DENND4C: variants seen among roughly 807,000 people sequenced by gnomAD.
DENND4C encodes the protein DENN domain-containing protein 4C.
DENND4C carries 108 observed loss-of-function variants against 203.0 expected under a neutral mutation model. The observed-to-expected ratio is 0.53, with a 90% CI of 0.46 to 0.62. The LOEUF (loss-of-function observed/expected upper bound fraction) is 0.62, where lower values mean the gene tolerates loss of function less well. Among genes scored for constraint, DENND4C ranks in the 20% least tolerant of loss-of-function variants. The pLI is 0.00. For missense variants in DENND4C, 2,481 were observed against 2,301.2 expected, an observed-to-expected ratio of 1.08 and a Z score of -1.60; for synonymous variants, 871 against 792.4, an observed-to-expected ratio of 1.10 and a Z score of -1.67.
At chr9:19,371,441 A>C (rs1245826083) in intron 31 of DENND4C, 1 of 178,588 alleles carries the variant, frequency 5.6e-6, no homozygotes, top group East Asian at 1.7e-4. Flanking sequence ...TATTGTTGAA[A>C]TGTAATAAAG....
chr9:19,247,008 C>A (rs1271204007), intron 1 of DENND4C, among the ~76,000 whole-genome samples: 3 of 152,142 alleles, frequency 2.0e-5, no homozygotes, highest in Non-Finnish European at 2.9e-5. Context: ...CTCTTTTGCA[C>A]TCCCACCAAC....
intron 1 of DENND4C, among the ~76,000 whole-genome samples, chr9:19,275,722 C>T (rs1832774562): frequency 1.3e-5 from 2 of 152,064 alleles, no homozygotes; most frequent in South Asian, 4.2e-4. Flanking sequence ...CCACCCACCT[C>T]CACCTCCCAT....
At position 19,356,961 on chromosome 9, in the gene DENND4C, TC is replaced by T; in HGVS notation, c.4782-9del. ...TTTAAAGGCTCTTTTTCCCCCCTTT[TC>T]CTTATGTAGCTTTTTCCTGAAACCA... On this transcript the variant is annotated splice_polypyrimidine_tract_variant and intron_variant, in intron 26 of 32. Coordinates refer to ENST00000434457, the MANE Select transcript of DENND4C (RefSeq NM_001330640.2). 1 of 1,611,892 alleles carries T rather than the reference TC, an allele frequency of 6.2e-7. No individual in the cohort carries two copies. Among genetic ancestry groups the T allele is most frequent in the Non-Finnish European group, 8.5e-7 (1 of 1,179,158 alleles).
chr9:19,270,565 T>A (rs376592287), intron 1 of DENND4C, among the ~76,000 whole-genome samples: 1 of 152,194 alleles, frequency 6.6e-6, no homozygotes, highest in Non-Finnish European at 1.5e-5. Flanking sequence ...CCATTGTAGG[T>A]TTATATCACA....
chr9:19,335,966 T>A (rs1479407918), intron 18 of DENND4C, among the ~76,000 whole-genome samples: 5 of 152,170 alleles, frequency 3.3e-5, no homozygotes, highest in African/African-American at 1.2e-4. Flanking sequence ...TTAATGGCTG[T>A]ACTAATTTGC....
intron 1 of DENND4C, among the ~76,000 whole-genome samples, chr9:19,273,831 G>C (rs551164903): frequency 2.6e-4 from 39 of 152,044 alleles, no homozygotes; most frequent in South Asian, 2.1e-3. Flanking sequence ...TGAAAAAAAT[G>C]GTACACTCCC....
chr9:19,247,604 AG>A (rs2131558546), intron 1 of DENND4C, among the ~76,000 whole-genome samples: 1 of 152,278 alleles, frequency 6.6e-6, no homozygotes, highest in Non-Finnish European at 1.5e-5. Context: ...TGTGTTGCCC[AG>A]GCTGGTCTCG....
At chr9:19,283,659 C>T (rs1834596378) in intron 2 of DENND4C, among the ~76,000 whole-genome samples, 1 of 139,544 alleles carries the variant, frequency 7.2e-6, no homozygotes, top group African/African-American at 2.6e-5. Context: ...TTGCTCAGGC[C>T]AGAGTGCAAT....
chr9:19,323,219 G>A (rs1010777487), intron 12 of DENND4C, among the ~76,000 whole-genome samples: 4 of 152,198 alleles, frequency 2.6e-5, no homozygotes, highest in African/African-American at 9.7e-5. Context: ...CTGATCACCT[G>A]AGGTCCGTTC....
intron 12 of DENND4C, among the ~76,000 whole-genome samples, chr9:19,319,211 GTA>G (rs1458640868): frequency 8.5e-5 from 12 of 140,364 alleles, no homozygotes; most frequent in Non-Finnish European, 1.7e-4. Flanking sequence ...ACACATATAT[GTA>G]TATATATATA....
chr9:19,286,416 C>G (rs1374577258), intron 2 of DENND4C, among the ~76,000 whole-genome samples: 1 of 152,084 alleles, frequency 6.6e-6, no homozygotes. Flanking sequence ...CATCTGAATA[C>G]TTGGTGAAAC....
chr9:19,272,737 G>C (rs1311012047), intron 1 of DENND4C, among the ~76,000 whole-genome samples: 1 of 152,024 alleles, frequency 6.6e-6, no homozygotes, highest in Non-Finnish European at 1.5e-5. Flanking sequence ...TTTTCTTTAT[G>C]ACATTGGATT....
At chr9:19,314,937 G>A (rs1031018028) in intron 10 of DENND4C, among the ~76,000 whole-genome samples, 7 of 151,742 alleles carry the variant, frequency 4.6e-5, no homozygotes, top group East Asian at 1.9e-4. Context: ...CGAGGTGGGC[G>A]TATCACATGA....
intron 32 of DENND4C, 108 bp from the exon 33 acceptor site, chr9:19,371,929 C>G (rs1192394500): frequency 2.3e-6 from 3 of 1,326,038 alleles, no homozygotes; most frequent in African/African-American, 1.5e-5. Flanking sequence ...ATTTCTACTT[C>G]TAAATATATA....
Position 19,308,828 on chromosome 9 carries a change from T to C in DENND4C, c.1487+3301T>C, listed in dbSNP as rs191246687. ...ATTCAGCTAAACTTGATGTGACATA[T>C]CAGTTTCTACATTTGTATAAATATG... On this transcript the variant is annotated intron_variant, in intron 10 of 32. Coordinates refer to ENST00000434457, the MANE Select transcript of DENND4C (RefSeq NM_001330640.2). 1.6e-3 allele frequency among the ~76,000 whole-genome samples: 242 copies of C among 152,328 alleles called. 2 individuals are homozygous for C. The highest frequency in any genetic ancestry group is 5.5e-3 in the African/African-American group (227 of 41,572).
chr9:19,370,158 A>G, intron 31 of DENND4C, 171 bp downstream of exon 31: 1 of 817,408 alleles, frequency 1.2e-6, no homozygotes, highest in Non-Finnish European at 1.9e-6. Context: ...ACACAAACAC[A>G]TAATAAAAGT....
chr9:19,293,801 A>C (rs1178266926), intron 5 of DENND4C, among the ~76,000 whole-genome samples: 1 of 152,300 alleles, frequency 6.6e-6, no homozygotes. Flanking sequence ...TTTTACCTGT[A>C]ATGGGGAACT....
chr9:19,321,248 G>A (rs556972695), intron 12 of DENND4C, among the ~76,000 whole-genome samples: 62 of 152,346 alleles, frequency 4.1e-4, no homozygotes, highest in Admixed American at 2.2e-3. Context: ...TGGTTCTAGG[G>A]ATTATTAGAG....
At chr9:19,322,622 G>C (rs1015542208) in intron 12 of DENND4C, among the ~76,000 whole-genome samples, 6 of 151,638 alleles carry the variant, frequency 4.0e-5, no homozygotes, top group Non-Finnish European at 8.8e-5. Context: ...TGTAGTCCCA[G>C]CTTCTCAGGA....
Sources: gnomAD v4.1 joint callset for allele counts (sites outside exome capture counted in the v4.1 genomes callset) on GRCh38, gnomAD v4.1.1 for gene constraint, MANE v1.5 for transcripts, NCBI Gene and HGNC (gene_info 2026-07-23, HGNC 2026-07-21) for gene names.